Variants in ZMYM2 observed in about 807,000 individuals in gnomAD.
The protein encoded by ZMYM2 is zinc finger MYM-type containing 2.
In ZMYM2, 56 loss-of-function variants were observed where a neutral mutation model predicts 162.8. The ratio of observed to expected loss-of-function variants is 0.34; its 90% CI spans 0.28 to 0.43. ZMYM2 has a LOEUF of 0.43. Ranked by LOEUF, ZMYM2 falls within the 20% of genes least tolerant of loss-of-function variation. The pLI is 1.00. For missense variants in ZMYM2, 1,275 were observed against 1,621.8 expected (o/e 0.79, Z 3.67); for synonymous variants, 510 against 541.6 (o/e 0.94, Z 0.81).
rs1206202769 is a variant in ZMYM2 at position 20,086,150 on chromosome 13, C to T, written c.*136C>T. 2 of 746,586 alleles carry T rather than the reference C, an allele frequency of 2.7e-6. No individual in the cohort carries two copies. The highest frequency in any genetic ancestry group is 4.0e-6 in the Non-Finnish European group (2 of 497,322). 46.2% of individuals were successfully genotyped at this position (746,586 alleles called of 1,614,324 possible). Reference sequence around the variant, plus strand: ...GCAGTGTACCCACGCTGGGTATTACCATGTAAATAATCTGTGAGTGAAAGT... The same window carrying T: ...GCAGTGTACCCACGCTGGGTATTACTATGTAAATAATCTGTGAGTGAAAGT... On this transcript the variant is annotated 3_prime_UTR_variant, in exon 25 of 25. Coordinates refer to ENST00000610343, the MANE Select transcript of ZMYM2 (RefSeq NM_197968.4).
chr13:20,018,827 C>G (rs1234996838), intron 6 of ZMYM2, among the ~76,000 whole-genome samples: 1 of 152,108 alleles, frequency 6.6e-6, no homozygotes, highest in Non-Finnish European at 1.5e-5. Context: ...CGACTGTAAT[C>G]GCAGCACTTT....
chr13:19,974,033 T>C (rs900404308), intron 2 of ZMYM2, among the ~76,000 whole-genome samples: 1 of 152,222 alleles, frequency 6.6e-6, no homozygotes, highest in African/African-American at 2.4e-5. Flanking sequence ...AAGACTTCCA[T>C]AATGTAAAAA....
chr13:19,938,622 G>C, the ZMYM2 span, among the ~76,000 whole-genome samples: 2 of 152,064 alleles, frequency 1.3e-5, no homozygotes, highest in African/African-American at 2.4e-5. Context: ...TCCTGTACTA[G>C]GCTCTGATAG....
chr13:20,061,367 A>AATGG, intron 17 of ZMYM2, 143 bp downstream of exon 17: 2 of 715,342 alleles, frequency 2.8e-6, no homozygotes, highest in Non-Finnish European at 3.9e-6. Flanking sequence ...TGTTTTTTAT[A>AATGG]TTAAGAGATC....
chr13:20,027,400 T>G (rs1952683201), intron 9 of ZMYM2, 82 bp downstream of exon 9: 1 of 1,071,710 alleles, frequency 9.3e-7, no homozygotes, highest in Non-Finnish European at 1.3e-6. Context: ...ATGCTTTATT[T>G]TATCTTAATT....
the ZMYM2 span, among the ~76,000 whole-genome samples, chr13:19,882,424 C>A: frequency 6.6e-6 from 1 of 152,114 alleles, no homozygotes; most frequent in African/African-American, 2.4e-5. Context: ...TGTTCAACTT[C>A]ATTAGTCATT....
At chr13:19,912,321 GTTTTTGTTTTTTTTGT>G in the ZMYM2 span, among the ~76,000 whole-genome samples, 578 of 56,184 alleles carry the variant, frequency 0.01, 1 homozygote, top group African/African-American at 0.035. Context: ...TTTTGCTTTT[GTTTTTGTTTTTTTTGT>G]TTTTTGTTTT....
At chr13:20,074,024 T>G (rs1342214308) in intron 21 of ZMYM2, among the ~76,000 whole-genome samples, 1 of 152,180 alleles carries the variant, frequency 6.6e-6, no homozygotes, top group East Asian at 1.9e-4. Flanking sequence ...CTCCATTTCC[T>G]TCTCTACTGA....
intron 3 of ZMYM2, among the ~76,000 whole-genome samples, chr13:20,001,394 GAA>G (rs61504250): frequency 1.3e-3 from 138 of 108,966 alleles, no homozygotes; most frequent in Admixed American, 1.5e-3. Context: ...TGTCTCAAAA[GAA>G]AAAAAAAAAA....
the ZMYM2 span, among the ~76,000 whole-genome samples, chr13:19,936,300 G>A: frequency 6.6e-6 from 1 of 152,148 alleles, no homozygotes; most frequent in African/African-American, 2.4e-5. Context: ...GCATTTTGAG[G>A]CTTTGCTACA....
chr13:19,906,235 A>G, the ZMYM2 span, among the ~76,000 whole-genome samples: 2 of 143,698 alleles, frequency 1.4e-5, no homozygotes, highest in East Asian at 4.2e-4. Flanking sequence ...AAATCGCACC[A>G]TTGCACTCCA....
chr13:19,887,671 AT>A, the ZMYM2 span, among the ~76,000 whole-genome samples: 24 of 151,722 alleles, frequency 1.6e-4, 1 homozygote, highest in African/African-American at 5.6e-4. Flanking sequence ...AAATACACAC[AT>A]TTTTCTCTTT....
chr13:19,999,978 T>C (rs1024797268), intron 3 of ZMYM2, among the ~76,000 whole-genome samples: 7 of 152,048 alleles, frequency 4.6e-5, no homozygotes, highest in Admixed American at 2.6e-4. Context: ...TTAAAAAATA[T>C]TTTTTGTGGA....
chr13:20,084,079 A>G (rs764075582), intron 24 of ZMYM2, among the ~76,000 whole-genome samples: 1 of 152,158 alleles, frequency 6.6e-6, no homozygotes, highest in South Asian at 2.1e-4. Context: ...GCACGTGATC[A>G]TAGCTCATTG....
At chr13:19,892,529 C>G in the ZMYM2 span, among the ~76,000 whole-genome samples, 1 of 151,724 alleles carries the variant, frequency 6.6e-6, no homozygotes, top group South Asian at 2.1e-4. Flanking sequence ...CCTGCCTTGG[C>G]CTTCCAAAAT....
chr13:19,919,872 A>G, the ZMYM2 span, among the ~76,000 whole-genome samples: 1 of 151,940 alleles, frequency 6.6e-6, no homozygotes, highest in Non-Finnish European at 1.5e-5. Flanking sequence ...ACGGAGTTTC[A>G]CCATGTTGGC....
chr13:20,003,408 A>G (rs1950527752), intron 4 of ZMYM2, among the ~76,000 whole-genome samples: 1 of 152,246 alleles, frequency 6.6e-6, no homozygotes, highest in South Asian at 2.1e-4. Context: ...TCTTATAGCC[A>G]AATAAAAATG....
intron 17 of ZMYM2, 66 bp downstream of exon 17, chr13:20,061,290 A>G: frequency 2.6e-6 from 4 of 1,528,466 alleles, no homozygotes; most frequent in Non-Finnish European, 3.5e-6. Flanking sequence ...GTATTGTTAC[A>G]GTACTTTCCA....
chr13:20,038,791 G>GTTT (rs546076159), intron 12 of ZMYM2, among the ~76,000 whole-genome samples: 2 of 143,094 alleles, frequency 1.4e-5, no homozygotes, highest in Non-Finnish European at 3.1e-5. Context: ...GATTTTAAAA[G>GTTT]TTTTTTTTTT....
Sources: gnomAD v4.1 joint callset for allele counts (sites outside exome capture counted in the v4.1 genomes callset) on GRCh38, gnomAD v4.1.1 for gene constraint, MANE v1.5 for transcripts, NCBI Gene and HGNC (gene_info 2026-07-23, HGNC 2026-07-21) for gene names.